KATNAL2: variants seen among roughly 807,000 people sequenced by gnomAD.
KATNAL2 encodes the protein katanin catalytic subunit A1 like 2, also known as katanin p60 ATPase-containing subunit A-like 2.
Under a neutral mutation model 76.3 loss-of-function variants are expected in KATNAL2, and 52 were observed. The observed-to-expected ratio is 0.68, with a 90% CI of 0.55 to 0.86. The LOEUF is 0.86. KATNAL2 is among the 40% of genes least tolerant of loss of function. KATNAL2 has a pLI of 0.00. For missense variants in KATNAL2, 660 were observed against 668.9 expected (o/e 0.99, Z 0.15); for synonymous variants, 243 against 244.2 (o/e 1.00, Z 0.05).
intron 6 of KATNAL2, 133 bp from the exon 7 acceptor site, chr18:47,058,102 A>C: frequency 1.9e-5 from 12 of 632,374 alleles, no homozygotes; most frequent in Middle Eastern, 4.5e-4. Flanking sequence ...CATAGGTGGA[A>C]GGGCCCTATA....
chr18:46,935,435 C>G (rs932470456), intron 1 of KATNAL2, among the ~76,000 whole-genome samples: 10 of 152,180 alleles, frequency 6.6e-5, no homozygotes, highest in Admixed American at 6.5e-4. Flanking sequence ...GTGCCGCCAC[C>G]TCTTTGGGGC....
chr18:47,033,641 C>A lies in KATNAL2; in HGVS notation c.52-12816C>A, dbSNP rs559315153. On this transcript the variant is annotated intron_variant, in intron 3 of 17. Transcript: ENST00000683218. ...ACCTCTCCCACGTCGCTGAGGGCGT[C>A]CGGATTGTTTCTAAGCACCTGGGCA... is the stretch of plus-strand genomic sequence containing the variant. The A allele has an allele frequency of 2.5e-6, 4 of 1,614,196 alleles. No individual in the cohort carries two copies. The African/African-American group carries it at 4.0e-5, about 16-fold the overall frequency.
At chr18:47,098,072 G>C (rs1004523835) in intron 15 of KATNAL2, 1 of 157,338 alleles carries the variant, frequency 6.4e-6, no homozygotes, top group Non-Finnish European at 1.4e-5. Flanking sequence ...AGCAAGAATA[G>C]GTAGATAGAG....
chr18:46,950,974 G>A (rs891913469), intron 3 of KATNAL2, among the ~76,000 whole-genome samples: 8 of 152,044 alleles, frequency 5.3e-5, no homozygotes, highest in Non-Finnish European at 8.8e-5. Context: ...GTGAGCCACC[G>A]TGCCCGGCGA....
chr18:47,095,971 G>C (rs2063215646), intron 15 of KATNAL2, among the ~76,000 whole-genome samples: 1 of 152,214 alleles, frequency 6.6e-6, no homozygotes, highest in Non-Finnish European at 1.5e-5. Context: ...TTGTGCAAGG[G>C]AAGAGGTGGC....
intron 10 of KATNAL2, among the ~76,000 whole-genome samples, chr18:47,065,426 A>G (rs993551293): frequency 1.5e-5 from 2 of 132,780 alleles, no homozygotes; most frequent in African/African-American, 5.7e-5. Context: ...GTATGCACAG[A>G]TTTTGGTATG....
intron 3 of KATNAL2, chr18:47,033,439 A>G (rs758866836): frequency 1.9e-6 from 3 of 1,613,786 alleles, no homozygotes; most frequent in Admixed American, 1.7e-5. Flanking sequence ...CGGAAGCCGC[A>G]GGTACTGCTC....
intron 4 of KATNAL2, among the ~76,000 whole-genome samples, chr18:47,051,529 C>T (rs1036582910): frequency 5.9e-5 from 9 of 151,936 alleles, no homozygotes; most frequent in African/African-American, 2.2e-4. Flanking sequence ...CCAGTATTTT[C>T]TAGTTTTTTC....
At chr18:47,084,319 G>A (rs1344713962) in intron 15 of KATNAL2, 1 of 702,858 alleles carries the variant, frequency 1.4e-6, no homozygotes, top group Non-Finnish European at 2.6e-6. Flanking sequence ...TGTAACCCTT[G>A]TTCTTTCCAT....
intron 15 of KATNAL2, among the ~76,000 whole-genome samples, chr18:47,096,362 T>A (rs1035235438): frequency 1.3e-5 from 2 of 152,184 alleles, no homozygotes; most frequent in African/African-American, 2.4e-5. Context: ...TTTTATTTTT[T>A]AAAAAATTTA....
At chr18:47,061,220 T>C (rs980682475) in intron 8 of KATNAL2, among the ~76,000 whole-genome samples, 9 of 152,198 alleles carry the variant, frequency 5.9e-5, no homozygotes, top group African/African-American at 1.9e-4. Context: ...TGAGGCTGAG[T>C]AGTTTATAAA....
intron 1 of KATNAL2, among the ~76,000 whole-genome samples, chr18:46,933,383 A>G (rs905058172): frequency 2.6e-5 from 4 of 152,220 alleles, no homozygotes; most frequent in African/African-American, 7.2e-5. Context: ...ATCTAAATCT[A>G]GTGCCCACAG....
At chr18:47,033,806 C>G in intron 3 of KATNAL2, 1 of 1,614,180 alleles carries the variant, frequency 6.2e-7, no homozygotes, top group Non-Finnish European at 8.5e-7. Context: ...TCTGGCTTTG[C>G]CTGGGAGGTC....
At chr18:46,952,407 T>G (rs1161491822) in intron 3 of KATNAL2, among the ~76,000 whole-genome samples, 1 of 141,156 alleles carries the variant, frequency 7.1e-6, no homozygotes, top group East Asian at 2.0e-4. Context: ...TTTTTTTTTT[T>G]TTTTTTTTTT....
chr18:46,936,635 A>G (rs1355338581), intron 1 of KATNAL2, among the ~76,000 whole-genome samples: 1 of 152,146 alleles, frequency 6.6e-6, no homozygotes, highest in African/African-American at 2.4e-5. Flanking sequence ...TATTTACCTG[A>G]ATGATGATGA....
chr18:47,067,838 T>C (rs1008470516), intron 11 of KATNAL2, among the ~76,000 whole-genome samples: 3 of 152,186 alleles, frequency 2.0e-5, no homozygotes, highest in African/African-American at 7.2e-5. Context: ...GGCTGGCTCA[T>C]CTCTTTTCCA....
intron 1 of KATNAL2, chr18:46,920,159 C>G: frequency 9.9e-7 from 1 of 1,011,052 alleles, no homozygotes; most frequent in Non-Finnish European, 1.4e-6. Flanking sequence ...GCAAAGAGTT[C>G]TAGGTGCTGC....
intron 4 of KATNAL2, among the ~76,000 whole-genome samples, chr18:47,051,440 A>T (rs1400738345): frequency 1.3e-5 from 2 of 149,924 alleles, no homozygotes; most frequent in African/African-American, 5.0e-5. Flanking sequence ...AAGAAAAAAA[A>T]AAAAGGTTAA....
intron 1 of KATNAL2, among the ~76,000 whole-genome samples, chr18:46,931,303 A>G (rs906469733): frequency 6.6e-6 from 1 of 151,050 alleles, no homozygotes; most frequent in African/African-American, 2.4e-5. Context: ...CCGTCTCAAA[A>G]TAAAAAAAGA....
Sources: gnomAD v4.1 joint callset for allele counts (sites outside exome capture counted in the v4.1 genomes callset) on GRCh38, gnomAD v4.1.1 for gene constraint, MANE v1.5 for transcripts, NCBI Gene and HGNC (gene_info 2026-07-23, HGNC 2026-07-21) for gene names.